The following KAT6B variants were observed in gnomAD, a reference collection of about 807,000 sequenced individuals.
KAT6B encodes lysine acetyltransferase 6B.
In KAT6B, 10 loss-of-function variants were observed where a neutral mutation model predicts 187.5. The observed-to-expected ratio is 0.05, with a 90% CI of 0.03 to 0.09. The LOEUF (loss-of-function observed/expected upper bound fraction) is 0.09. KAT6B is among the 10% of genes least tolerant of loss of function. The pLI is 1.00. For missense variants in KAT6B, 1,952 were observed against 2,558.9 expected (o/e 0.76, Z 5.12); for synonymous variants, 861 against 926.8 (o/e 0.93, Z 1.29).
chr10:74,862,873 A>G (rs1843281887), intron 3 of KAT6B, among the ~76,000 whole-genome samples: 1 of 152,158 alleles, frequency 6.6e-6, no homozygotes, highest in Non-Finnish European at 1.5e-5. Context: ...GAGGGACGGC[A>G]GCCCCCAGCA....
intron 2 of KAT6B, among the ~76,000 whole-genome samples, chr10:74,839,810 G>A (rs567754209): frequency 6.6e-6 from 1 of 152,280 alleles, no homozygotes; most frequent in South Asian, 2.1e-4. Context: ...GAATGATTCT[G>A]TGTTCTATCC....
intron 1 of KAT6B, among the ~76,000 whole-genome samples, chr10:74,830,668 T>C (rs1840688710): frequency 1.4e-5 from 2 of 144,614 alleles, no homozygotes; most frequent in African/African-American, 5.1e-5. Flanking sequence ...TTAGCTTTTA[T>C]GATTTTAGCC....
chr10:74,884,753 A>G (rs1373891143), intron 3 of KAT6B, among the ~76,000 whole-genome samples: 1 of 152,012 alleles, frequency 6.6e-6, no homozygotes, highest in Non-Finnish European at 1.5e-5. Context: ...TATTTTTAGT[A>G]GAGACAGGTT....
At chr10:74,980,364 T>G (rs1306388202) in intron 10 of KAT6B, among the ~76,000 whole-genome samples, 1 of 152,228 alleles carries the variant, frequency 6.6e-6, no homozygotes, top group African/African-American at 2.4e-5. Flanking sequence ...CTTGATTTTC[T>G]TATAGAATAG....
At chr10:74,851,714 G>T (rs1263985542) in intron 3 of KAT6B, among the ~76,000 whole-genome samples, 1 of 152,092 alleles carries the variant, frequency 6.6e-6, no homozygotes, top group Non-Finnish European at 1.5e-5. Context: ...TGTGGTCTTG[G>T]CTTATTCAGT....
At chr10:74,932,396 GC>G (rs1414034244) in intron 3 of KAT6B, among the ~76,000 whole-genome samples, 1 of 152,162 alleles carries the variant, frequency 6.6e-6, no homozygotes, top group Non-Finnish European at 1.5e-5. Context: ...AAATGATAGA[GC>G]TAGGAAAGTA....
chr10:74,970,967 C>T (rs1841811345), intron 6 of KAT6B, among the ~76,000 whole-genome samples: 1 of 152,096 alleles, frequency 6.6e-6, no homozygotes, highest in Admixed American at 6.5e-5. Flanking sequence ...AACCTGGCAA[C>T]TATGGGTCAC....
intron 13 of KAT6B, among the ~76,000 whole-genome samples, chr10:75,013,224 G>T (rs1006570695): frequency 6.6e-6 from 1 of 152,142 alleles, no homozygotes; most frequent in Non-Finnish European, 1.5e-5. Context: ...TTGTTTCTGT[G>T]GTTGGATGGG....
At chr10:74,934,877 C>T (rs945058048) in intron 3 of KAT6B, among the ~76,000 whole-genome samples, 1 of 152,186 alleles carries the variant, frequency 6.6e-6, no homozygotes, top group Non-Finnish European at 1.5e-5. Flanking sequence ...CCCAATTATA[C>T]TCACCTCTGC....
intron 3 of KAT6B, among the ~76,000 whole-genome samples, chr10:74,930,287 G>T (rs541277663): frequency 3.9e-5 from 6 of 152,038 alleles, no homozygotes; most frequent in Admixed American, 1.3e-4. Context: ...GACCTCTTTT[G>T]TACCAGATAT....
intron 3 of KAT6B, among the ~76,000 whole-genome samples, chr10:74,861,800 T>C (rs1843208523): frequency 1.3e-5 from 2 of 152,342 alleles, no homozygotes; most frequent in South Asian, 2.1e-4. Flanking sequence ...ATTTATAATA[T>C]GATATCATTA....
At chr10:75,011,816 C>T (rs1366807568) in intron 13 of KAT6B, among the ~76,000 whole-genome samples, 1 of 152,198 alleles carries the variant, frequency 6.6e-6, no homozygotes, top group Non-Finnish European at 1.5e-5. Context: ...TGAAATGAAA[C>T]TCTGTGAAGT....
chr10:74,835,151 A>C (rs1034896124), intron 1 of KAT6B, among the ~76,000 whole-genome samples: 1 of 152,198 alleles, frequency 6.6e-6, no homozygotes, highest in Non-Finnish European at 1.5e-5. Flanking sequence ...AAAAGCTAAA[A>C]GCTTCCTGTT....
intron 4 of KAT6B, among the ~76,000 whole-genome samples, chr10:74,965,925 C>T (rs1312100223): frequency 4.0e-5 from 6 of 150,744 alleles, no homozygotes; most frequent in Middle Eastern, 3.4e-3. Flanking sequence ...TTAGTAGAGA[C>T]GGGGTTTCAC....
At chr10:74,947,373 T>C (rs1840024997) in intron 3 of KAT6B, among the ~76,000 whole-genome samples, 1 of 152,234 alleles carries the variant, frequency 6.6e-6, no homozygotes, top group African/African-American at 2.4e-5. Context: ...ACATTTAAAA[T>C]GTGTATTTCC....
intron 3 of KAT6B, among the ~76,000 whole-genome samples, chr10:74,953,446 A>G (rs1365011711): frequency 1.3e-5 from 2 of 152,254 alleles, no homozygotes; most frequent in South Asian, 2.1e-4. Context: ...CCCGAGAGCT[A>G]GACAACACAG....
intron 4 of KAT6B, among the ~76,000 whole-genome samples, chr10:74,968,385 T>G (rs1049918219): frequency 7.0e-6 from 1 of 143,144 alleles, no homozygotes; most frequent in African/African-American, 2.5e-5. Context: ...ATGTTTAGAG[T>G]TTTTTTTTTT....
intron 3 of KAT6B, among the ~76,000 whole-genome samples, chr10:74,928,355 CAAG>C (rs1402033453): frequency 6.6e-6 from 1 of 152,132 alleles, no homozygotes; most frequent in Non-Finnish European, 1.5e-5. Flanking sequence ...TCCCCTCTCT[CAAG>C]AAACTAGCAG....
At chr10:74,922,646 G>T (rs933733247) in intron 3 of KAT6B, among the ~76,000 whole-genome samples, 4 of 152,184 alleles carry the variant, frequency 2.6e-5, no homozygotes, top group African/African-American at 9.7e-5. Context: ...TGAGTCCATA[G>T]ATGATCTGAT....
Sources: allele counts gnomAD v4.1 joint callset (sites outside exome capture counted in the v4.1 genomes callset), GRCh38; gene constraint gnomAD v4.1.1; transcripts MANE v1.5; gene names NCBI Gene and HGNC (gene_info 2026-07-23, HGNC 2026-07-21).